The following VCP variants were observed in gnomAD, a reference collection of about 807,000 sequenced individuals.
The protein encoded by VCP is transitional endoplasmic reticulum ATPase.
A neutral mutation model predicts 85.7 loss-of-function variants in VCP; 6 were observed. The observed-to-expected ratio is 0.07, with a 90% CI of 0.04 to 0.14. The LOEUF is 0.14. VCP is among the 10% of genes least tolerant of loss of function. The pLI is 1.00. For missense variants in VCP, 353 were observed against 1,043.4 expected (o/e 0.34, Z 9.12); for synonymous variants, 384 against 367.1 (o/e 1.05, Z -0.53).
intron 5 of VCP, among the ~76,000 whole-genome samples, chr9:35,064,785 AAATCCAAGAAACAAT>A (rs1393952603): frequency 1.3e-5 from 2 of 152,230 alleles, no homozygotes; most frequent in African/African-American, 4.8e-5. Flanking sequence ...GGCATTAGGT[AAATCCAAGAAACAAT>A]TAGGCCCAGA....
In VCP at chr9:35,072,385, C is replaced by A; in HGVS notation, c.-32G>T. ...CGCCTCTCCCGGCCGGCGGCTGTGGCGGCCCGCGGGTAACGGCTACGAGCG... is the reference window on the plus strand; with the variant it reads ...CGCCTCTCCCGGCCGGCGGCTGTGGAGGCCCGCGGGTAACGGCTACGAGCG... On this transcript the variant is annotated 5_prime_UTR_variant, in exon 1 of 17. Coordinates refer to ENST00000358901, the MANE Select transcript of VCP (RefSeq NM_007126.5). 6.8e-7 allele frequency: 1 copy of A among 1,473,588 alleles called. No homozygotes were observed. The highest frequency in any genetic ancestry group is 8.9e-7 in the Non-Finnish European group (1 of 1,118,562). 91.3% of individuals were successfully genotyped at this position (1,473,588 alleles called of 1,614,324 possible).
rs976672687 is a variant in VCP at position 35,057,645 on chromosome 9, G to T, written c.2161-115C>A. 3 of 1,396,906 alleles carry T rather than the reference G, an allele frequency of 2.1e-6. No homozygotes were observed. In the African/African-American group the frequency reaches 4.2e-5, roughly 20 times the overall value. 86.5% of individuals were successfully genotyped at this position (1,396,906 alleles called of 1,614,324 possible). ...CCTTGCCCTTCCAATCCAACCTGAGGTAAGATGCTAGGCCATGCTTCCTAA... is the reference window on the plus strand; with the variant it reads ...CCTTGCCCTTCCAATCCAACCTGAGTTAAGATGCTAGGCCATGCTTCCTAA... On this transcript the variant is annotated intron_variant, in intron 15 of 16. Transcript: ENST00000358901.
At chr9:35,066,925 G>A (rs1828845656) in intron 3 of VCP, 108 bp from the exon 4 acceptor site, 3 of 1,557,964 alleles carry the variant, frequency 1.9e-6, no homozygotes, top group Admixed American at 1.7e-5. Context: ...AAAAGAAAAG[G>A]CAGGATGGCT....
chr9:35,072,121 C>G, intron 1 of VCP: 1 of 1,366,388 alleles, frequency 7.3e-7, no homozygotes, highest in Non-Finnish European at 9.4e-7. Context: ...CGACCCGGAC[C>G]CAACGCAAGC....
Position 35,068,314 on chromosome 9 carries a change from A to G in VCP, c.66T>C (p.Arg22=). 1 of 1,614,206 alleles carries G rather than the reference A, an allele frequency of 6.2e-7. No individual in the cohort carries two copies. Among genetic ancestry groups the G allele is most frequent in the Non-Finnish European group, 8.5e-7 (1 of 1,180,036 alleles). The change falls in exon 2 of 17, where the codon CGT becomes CGC. Residue 22 remains arginine, a synonymous_variant. Coordinates refer to ENST00000358901, the MANE Select transcript of VCP (RefSeq NM_007126.5). ...CTTCATCAACAATTAACCGATTGGG[A>G]CGGTTCTTCTGTTTGAGAATGGCTG... ...LSTAILKQKN[R]PNRLIVDEAI...
chr9:35,067,846 A>C (rs1320693144), intron 3 of VCP, 45 bp downstream of exon 3: 24 of 1,613,106 alleles, frequency 1.5e-5, no homozygotes, highest in Non-Finnish European at 2.0e-5. Flanking sequence ...AATGCAGGCT[A>C]TCTCTGGCCT....
At chr9:35,070,561 G>A (rs1401243652) in intron 1 of VCP, among the ~76,000 whole-genome samples, 3 of 152,142 alleles carry the variant, frequency 2.0e-5, no homozygotes, top group African/African-American at 7.2e-5. Flanking sequence ...AGCCTCCAGA[G>A]TGGCTGGGAC....
chr9:35,065,485 C>T (rs1405417408), intron 4 of VCP, 104 bp from the exon 5 acceptor site: 3 of 1,494,608 alleles, frequency 2.0e-6, no homozygotes, highest in African/African-American at 1.4e-5. Flanking sequence ...TTAGATAGTG[C>T]CCTTCATTAG....
At position 35,057,162 on chromosome 9, in the gene VCP, A is replaced by G; in HGVS notation, c.2376T>C (p.Gly792=). Residue 792 remains glycine, a synonymous_variant, in exon 17 of 17, where the codon GGT becomes GGC. Coordinates refer to ENST00000358901, the MANE Select transcript of VCP (RefSeq NM_007126.5). ...GPSQGSGGGT[G]GSVYTEDNDD... ...CATTGTCTTCTGTGTATACACTGCC[A>G]CCTGTGCCGCCTCCACTGCCCTGAC... 6.2e-7 allele frequency: 1 copy of G among 1,614,084 alleles called. No homozygotes were observed.
intron 1 of VCP, among the ~76,000 whole-genome samples, chr9:35,070,171 C>A (rs1828912006): frequency 6.6e-6 from 1 of 152,216 alleles, no homozygotes; most frequent in Non-Finnish European, 1.5e-5. Flanking sequence ...TTTCTAACGA[C>A]AGTTTCCTCT....
At chr9:35,066,363 G>A (rs1828830441) in intron 4 of VCP, among the ~76,000 whole-genome samples, 10 of 148,028 alleles carry the variant, frequency 6.8e-5, no homozygotes, top group Admixed American at 6.8e-4. Flanking sequence ...TTGGGTTCAA[G>A]CAATTCTCAT....
rs778414106 is a variant in VCP at position 35,063,206 on chromosome 9, G to A, written c.709-126C>T. 76 of 801,586 alleles carry A rather than the reference G, an allele frequency of 9.5e-5. No individual in the cohort carries two copies. The East Asian group carries it at 1.6e-3, about 17-fold the overall frequency. 49.7% of individuals were successfully genotyped at this position (801,586 alleles called of 1,614,324 possible). On this transcript the variant is annotated intron_variant, in intron 6 of 16. Coordinates refer to ENST00000358901, the MANE Select transcript of VCP (RefSeq NM_007126.5). The stretch of plus-strand genomic sequence containing the variant: ...TGACAATATTAAGAATAAGCCCTCC[G>A]CAGTAAATGCTAAGAAGACAATTAC...
intron 1 of VCP, 69 bp from the exon 2 acceptor site, chr9:35,068,431 C>T: frequency 7.4e-7 from 1 of 1,356,262 alleles, no homozygotes. Context: ...AAAACTCATA[C>T]TTAGGAAAGA....
intron 1 of VCP, among the ~76,000 whole-genome samples, chr9:35,071,577 C>T (rs1212886247): frequency 1.3e-5 from 2 of 152,132 alleles, no homozygotes; most frequent in Non-Finnish European, 2.9e-5. Context: ...TAGCAAGAAC[C>T]TAAAATGTTA....
intron 10 of VCP, 21 bp downstream of exon 10, chr9:35,061,556 C>T (rs1391777348): frequency 6.2e-7 from 1 of 1,607,210 alleles, no homozygotes; most frequent in Non-Finnish European, 8.5e-7. Context: ...AACGCCTGGT[C>T]AGCCATCATC....
At chr9:35,060,148 A>G (rs1484806324) in intron 13 of VCP, among the ~76,000 whole-genome samples, 165 bp downstream of exon 13, 1 of 152,172 alleles carries the variant, frequency 6.6e-6, no homozygotes, top group Non-Finnish European at 1.5e-5. Flanking sequence ...AGAGAGAGAA[A>G]AAAAAAATAA....
chr9:35,072,253 A>G, intron 1 of VCP, 84 bp downstream of exon 1: 2 of 1,471,724 alleles, frequency 1.4e-6, no homozygotes, highest in Non-Finnish European at 1.8e-6. Flanking sequence ...TGACGCGCCC[A>G]CGGCCAGGCC....
intron 1 of VCP, among the ~76,000 whole-genome samples, chr9:35,071,516 A>G (rs1828944705): frequency 6.6e-6 from 1 of 152,110 alleles, no homozygotes. Flanking sequence ...GCACACCACG[A>G]AACCTGGAAA....
Position 35,072,377 on chromosome 9 carries a change from G to A in VCP, c.-24C>T. ...ATGGCGCGCGCCTCTCCCGGCCGGC[G>A]GCTGTGGCGGCCCGCGGGTAACGGC... On this transcript the variant is annotated 5_prime_UTR_variant, in exon 1 of 17. Coordinates refer to ENST00000358901, the MANE Select transcript of VCP (RefSeq NM_007126.5). 6 of 1,473,572 alleles carry A rather than the reference G, an allele frequency of 4.1e-6. No individual in the cohort carries two copies. The highest frequency in any genetic ancestry group is 5.4e-6 in the Non-Finnish European group (6 of 1,118,842). The allele number at this position is 1,473,572 out of a possible 1,614,324, so 91.3% of individuals were successfully genotyped here.
Sources: allele counts gnomAD v4.1 joint callset (sites outside exome capture counted in the v4.1 genomes callset), GRCh38; gene constraint gnomAD v4.1.1; transcripts MANE v1.5; gene names NCBI Gene and HGNC (gene_info 2026-07-23, HGNC 2026-07-21).